The following DGCR2 variants were observed in gnomAD, a reference collection of about 807,000 sequenced individuals.
DGCR2 encodes DiGeorge syndrome critical region gene 2, also known as integral membrane protein DGCR2/IDD.
DGCR2 carries 24 observed loss-of-function variants against 51.6 expected under a neutral mutation model. That is an observed-to-expected ratio of 0.47 (90% confidence interval 0.34 to 0.65). DGCR2 has a LOEUF of 0.65. Among genes scored for constraint, DGCR2 ranks in the 30% least tolerant of loss-of-function variants. The pLI, the probability that DGCR2 is intolerant of heterozygous loss-of-function variation, is 0.01. For missense variants in DGCR2, 765 were observed against 772.1 expected, an observed-to-expected ratio of 0.99 and a Z score of 0.11; for synonymous variants, 340 against 315.4, an observed-to-expected ratio of 1.08 and a Z score of -0.82.
At chr22:19,051,781 G>A (rs1414287199) in intron 6 of DGCR2, among the ~76,000 whole-genome samples, 1 of 152,162 alleles carries the variant, frequency 6.6e-6, no homozygotes, top group Non-Finnish European at 1.5e-5. Context: ...GTGAACAACA[G>A]AGAATATACA....
chr22:19,040,402 A>T (rs2082417711), intron 9 of DGCR2, among the ~76,000 whole-genome samples: 1 of 152,188 alleles, frequency 6.6e-6, no homozygotes, highest in South Asian at 2.1e-4. Context: ...TGCCTACCAA[A>T]TATACTACAG....
At chr22:19,117,071 G>A (rs2083380906) in intron 1 of DGCR2, among the ~76,000 whole-genome samples, 2 of 152,058 alleles carry the variant, frequency 1.3e-5, no homozygotes, top group African/African-American at 2.4e-5. Context: ...CTGCTAAGAG[G>A]ACACACACAG....
intron 1 of DGCR2, among the ~76,000 whole-genome samples, chr22:19,115,330 T>C (rs1311100110): frequency 6.6e-6 from 1 of 152,208 alleles, no homozygotes; most frequent in Non-Finnish European, 1.5e-5. Context: ...GCTGGGCAGC[T>C]GGTGAGCTTC....
At chr22:19,054,843 C>G (rs944686032) in intron 6 of DGCR2, among the ~76,000 whole-genome samples, 1 of 151,550 alleles carries the variant, frequency 6.6e-6, no homozygotes, top group Non-Finnish European at 1.5e-5. Context: ...TGGCTCACAC[C>G]TATAATCCCA....
chr22:19,064,903 G>A lies in DGCR2; in HGVS notation c.493C>T (p.Leu165=). The change falls in exon 4 of 10, where the codon CTG becomes TTG. Residue 165 remains leucine, a synonymous_variant. Coordinates refer to ENST00000263196, the MANE Select transcript of DGCR2 (RefSeq NM_005137.3). ...TCGGGCTGGTCCCATTCCTGGGCCA[G>A]GACAAAGCGCAGCTCCTGGTCAGTG... The part of the protein sequence containing the change: ...FSTDQELRFV[L]AQEWDQPERS... 4 of 1,613,930 alleles carry A rather than the reference G, an allele frequency of 2.5e-6. No homozygotes were observed. Among genetic ancestry groups the A allele is most frequent in the Non-Finnish European group, 2.5e-6 (3 of 1,180,038 alleles).
At chr22:19,108,781 G>C (rs1441930434) in intron 1 of DGCR2, among the ~76,000 whole-genome samples, 4 of 151,798 alleles carry the variant, frequency 2.6e-5, no homozygotes, top group African/African-American at 9.7e-5. Flanking sequence ...TCACACTTTG[G>C]GAGGCGGAGG....
intron 7 of DGCR2, among the ~76,000 whole-genome samples, chr22:19,042,546 G>A (rs1302878801): frequency 1.3e-5 from 2 of 152,246 alleles, no homozygotes; most frequent in Non-Finnish European, 2.9e-5. Flanking sequence ...ACAGTTGCTG[G>A]CAGTTTGGAG....
intron 1 of DGCR2, among the ~76,000 whole-genome samples, chr22:19,107,089 T>C (rs890129996): frequency 2.0e-5 from 3 of 152,208 alleles, no homozygotes; most frequent in Non-Finnish European, 4.4e-5. Flanking sequence ...GAAATATGCC[T>C]GCAACTTCTT....
At position 19,086,721 on chromosome 22, in the gene DGCR2, C is replaced by T. The variant is rs560946650; in HGVS notation, c.202+2647G>A. On this transcript the variant is annotated intron_variant, in intron 2 of 9. Coordinates refer to ENST00000263196, the MANE Select transcript of DGCR2 (RefSeq NM_005137.3). ...GCAGGCCACCACTCGTAACTTTCGGCTTCTATGAGAGATTTTATTTTTCTG... is the reference window on the plus strand; with the variant it reads ...GCAGGCCACCACTCGTAACTTTCGGTTTCTATGAGAGATTTTATTTTTCTG... Among the ~76,000 whole-genome samples the T allele has an allele frequency of 2.1e-4, 32 of 152,236 alleles. No homozygotes were observed. In the East Asian group the frequency reaches 4.1e-3, roughly 19 times the overall value.
chr22:19,093,817 C>A (rs138164185), intron 1 of DGCR2, among the ~76,000 whole-genome samples: 2 of 152,024 alleles, frequency 1.3e-5, no homozygotes, highest in African/African-American at 4.8e-5. Flanking sequence ...TGCAACATAA[C>A]AAGACCTCAT....
intron 2 of DGCR2, among the ~76,000 whole-genome samples, chr22:19,082,222 C>CT (rs56725898): frequency 0.33 from 28,748 of 87,656 alleles, 5,924 homozygotes; most frequent in African/African-American, 0.49. Context: ...CTAATTATTT[C>CT]TTTTTTTTTT....
Position 19,109,852 on chromosome 22 carries a change from T to C in DGCR2, c.79+12276A>G, listed in dbSNP as rs531422360. Among the ~76,000 whole-genome samples the C allele has an allele frequency of 8.5e-5, 13 of 152,240 alleles. No homozygotes were observed. The South Asian group carries it at 2.5e-3, about 29-fold the overall frequency. On this transcript the variant is annotated intron_variant, in intron 1 of 9. Coordinates refer to ENST00000263196, the MANE Select transcript of DGCR2 (RefSeq NM_005137.3). The stretch of plus-strand genomic sequence containing the variant: ...AAAGCACATATAAAATACGGAGGGA[T>C]TTAAAGTCCTAAGGATAATATTACA...
rs545736761 is a variant in DGCR2, at chr22:19,041,222, G to A, written c.1232C>T (p.Thr411Met). ...YGPDGFGTGLTPLHLSDDGEG... is the reference protein window; with the variant it reads ...YGPDGFGTGLMPLHLSDDGEG... ...TCCGTCGTCAGAAAGATGCAGCGGCGTGAGGCCCGTGCCAAACCCGTCTGG... is the reference window on the plus strand; with the variant it reads ...TCCGTCGTCAGAAAGATGCAGCGGCATGAGGCCCGTGCCAAACCCGTCTGG... The change falls in exon 9 of 10, where the codon ACG becomes ATG. Residue 411 changes from threonine to methionine, a missense_variant. Physicochemically the swap from Thr to Met is moderately conservative, Grantham distance 81. Coordinates refer to ENST00000263196, the MANE Select transcript of DGCR2 (RefSeq NM_005137.3). The A allele has an allele frequency of 7.4e-6, 12 of 1,614,126 alleles. No homozygotes were observed. The highest frequency in any genetic ancestry group is 6.7e-5 in the Admixed American group (4 of 60,024).
At chr22:19,065,521 C>T (rs2145971827) in intron 3 of DGCR2, among the ~76,000 whole-genome samples, 1 of 152,156 alleles carries the variant, frequency 6.6e-6, no homozygotes, top group East Asian at 1.9e-4. Flanking sequence ...GCCAACCCTC[C>T]ACTAAAACAG....
intron 2 of DGCR2, among the ~76,000 whole-genome samples, chr22:19,087,749 A>G (rs1164684853): frequency 1.3e-5 from 2 of 150,842 alleles, no homozygotes; most frequent in Non-Finnish European, 2.9e-5. Context: ...CAGTGGCACA[A>G]TCTTGACTCA....
chr22:19,094,372 C>A (rs1034715183), intron 1 of DGCR2, among the ~76,000 whole-genome samples: 5 of 152,302 alleles, frequency 3.3e-5, no homozygotes, highest in Admixed American at 2.6e-4. Context: ...TTGCAGTGAG[C>A]CAAGATTGCA....
At chr22:19,111,728 G>A (rs1479230152) in intron 1 of DGCR2, among the ~76,000 whole-genome samples, 5 of 152,184 alleles carry the variant, frequency 3.3e-5, no homozygotes, top group Non-Finnish European at 7.3e-5. Context: ...CTATCGGATG[G>A]AGAGGAAACA....
intron 7 of DGCR2, among the ~76,000 whole-genome samples, chr22:19,044,128 G>A (rs1296913417): frequency 1.3e-5 from 2 of 152,172 alleles, no homozygotes; most frequent in East Asian, 1.9e-4. Flanking sequence ...CCAAGGACAC[G>A]GTCAAGGTCC....
intron 1 of DGCR2, among the ~76,000 whole-genome samples, chr22:19,110,398 G>A (rs151048395): frequency 1.4e-4 from 21 of 152,246 alleles, no homozygotes; most frequent in South Asian, 8.3e-4. Flanking sequence ...TCAGGGCTGC[G>A]GCACCTGGAG....
Sources: allele counts gnomAD v4.1 joint callset (sites outside exome capture counted in the v4.1 genomes callset), GRCh38; gene constraint gnomAD v4.1.1; transcripts MANE v1.5; gene names NCBI Gene and HGNC (gene_info 2026-07-23, HGNC 2026-07-21).